Variants in NRXN3 observed in about 807,000 individuals in gnomAD.
NRXN3 encodes neurexin 3.
In NRXN3, 32 loss-of-function variants were observed where a neutral mutation model predicts 137.6. The ratio of observed to expected loss-of-function variants is 0.23; its 90% CI spans 0.18 to 0.31. The LOEUF is 0.31. Among genes scored for constraint, NRXN3 ranks in the 10% least tolerant of loss-of-function variants. The pLI is 1.00. For synonymous variants in NRXN3, 798 were observed against 784.5 expected, an observed-to-expected ratio of 1.02 and a Z score of -0.29; for missense variants, 1,574 against 2,062.5, an observed-to-expected ratio of 0.76 and a Z score of 4.59.
chr14:79,729,245 A>T (rs1199547599), intron 19 of NRXN3, among the ~76,000 whole-genome samples: 1 of 152,230 alleles, frequency 6.6e-6, no homozygotes, highest in Non-Finnish European at 1.5e-5. Context: ...TTAGGGGAAA[A>T]TCAAGAAGTT....
chr14:78,245,803 G>A (rs28641041), intron 2 of NRXN3, among the ~76,000 whole-genome samples: 11,588 of 152,184 alleles, frequency 0.076, 1,259 homozygotes, highest in African/African-American at 0.24. Flanking sequence ...GGCTGTCAGA[G>A]CTGGAGATGC....
chr14:79,384,664 G>A (rs1350637939), intron 15 of NRXN3, among the ~76,000 whole-genome samples: 3 of 152,106 alleles, frequency 2.0e-5, no homozygotes, highest in Non-Finnish European at 2.9e-5. Flanking sequence ...AACTGTGAAG[G>A]TGTTTAGGAC....
At chr14:78,770,737 A>G (rs1248681086) in intron 8 of NRXN3, among the ~76,000 whole-genome samples, 1 of 152,182 alleles carries the variant, frequency 6.6e-6, no homozygotes, top group Non-Finnish European at 1.5e-5. Flanking sequence ...GTAAAAGTAA[A>G]TTGCAAAGAA....
At chr14:79,568,667 G>A (rs2097571238) in intron 16 of NRXN3, among the ~76,000 whole-genome samples, 3 of 152,188 alleles carry the variant, frequency 2.0e-5, no homozygotes, top group Non-Finnish European at 4.4e-5. Context: ...TTTGGTTCCT[G>A]TGAGGACTGC....
At chr14:79,229,409 C>T (rs1028087992) in intron 15 of NRXN3, among the ~76,000 whole-genome samples, 3 of 152,180 alleles carry the variant, frequency 2.0e-5, no homozygotes, top group African/African-American at 7.2e-5. Context: ...CGGGAAACTT[C>T]AGTGTAAAGT....
chr14:79,282,935 C>A (rs1003150407), intron 15 of NRXN3, among the ~76,000 whole-genome samples: 2 of 152,152 alleles, frequency 1.3e-5, no homozygotes, highest in African/African-American at 4.8e-5. Flanking sequence ...CAGCAATCAA[C>A]AAAATATCCC....
At chr14:78,398,524 G>A (rs929001687) in intron 4 of NRXN3, among the ~76,000 whole-genome samples, 5 of 152,116 alleles carry the variant, frequency 3.3e-5, no homozygotes, top group Non-Finnish European at 2.9e-5. Flanking sequence ...ATGAGGGTGG[G>A]GCTTGTTACT....
Position 79,697,709 on chromosome 14 carries a change from A to T in NRXN3, c.3786A>T (p.Gln1262His). ...GKDKGRLFQGQLSGLYYDGLK... is the reference protein window; with the variant it reads ...GKDKGRLFQGHLSGLYYDGLK... Reference sequence around the variant, plus strand: ...ACAAAGGACGCCTCTTCCAAGGCCAACTCTCTGGGCTCTATTATGATGGTT... The same window carrying T: ...ACAAAGGACGCCTCTTCCAAGGCCATCTCTCTGGGCTCTATTATGATGGTT... Residue 1262 changes from glutamine (Q) to histidine (H), a missense_variant, in exon 19 of 21, where the codon CAA becomes CAT. Transcript: ENST00000335750. The T allele has an allele frequency of 6.2e-7, 1 of 1,613,102 alleles. No individual in the cohort carries two copies. The highest frequency in any genetic ancestry group is 8.5e-7 in the Non-Finnish European group (1 of 1,179,412).
chr14:79,127,307 A>G (rs1034183281), intron 15 of NRXN3, among the ~76,000 whole-genome samples: 1 of 152,100 alleles, frequency 6.6e-6, no homozygotes, highest in Non-Finnish European at 1.5e-5. Flanking sequence ...TTATGGTTTT[A>G]GTTCTAACGT....
intron 4 of NRXN3, among the ~76,000 whole-genome samples, chr14:78,461,968 G>T (rs1275095989): frequency 6.6e-6 from 1 of 152,202 alleles, no homozygotes; most frequent in African/African-American, 2.4e-5. Flanking sequence ...AAGGGAACTG[G>T]TTCCCAACTC....
intron 10 of NRXN3, among the ~76,000 whole-genome samples, chr14:78,925,405 C>T (rs1309904643): frequency 2.0e-5 from 3 of 152,160 alleles, no homozygotes; most frequent in African/African-American, 7.2e-5. Flanking sequence ...TAACACTACA[C>T]TTGCCATGGT....
chr14:78,208,181 T>A (rs2062396295), intron 1 of NRXN3, among the ~76,000 whole-genome samples: 1 of 152,230 alleles, frequency 6.6e-6, no homozygotes. Context: ...AAAAAGTGCT[T>A]AGCACATAGT....
intron 15 of NRXN3, among the ~76,000 whole-genome samples, chr14:79,135,469 C>T (rs899933038): frequency 6.6e-6 from 1 of 152,122 alleles, no homozygotes; most frequent in African/African-American, 2.4e-5. Flanking sequence ...GTCCTACTAT[C>T]CCTGTCCTCT....
At chr14:79,136,329 G>T (rs899670101) in intron 15 of NRXN3, among the ~76,000 whole-genome samples, 3 of 152,178 alleles carry the variant, frequency 2.0e-5, no homozygotes, top group African/African-American at 4.8e-5. Flanking sequence ...ATAGATCAAG[G>T]TCTGTCAGCC....
chr14:79,061,527 A>G (rs1346673174), intron 15 of NRXN3, among the ~76,000 whole-genome samples: 1 of 152,210 alleles, frequency 6.6e-6, no homozygotes. Context: ...AGTGACTGGA[A>G]TATAGGGGAC....
chr14:78,257,144 G>A lies in NRXN3; in HGVS notation c.709+13342G>A, dbSNP rs546896814. ...AGGATTACTAACGCTATCATTTTTG[G>A]TATGAAAACCATGGTATGAACATTT... is the stretch of plus-strand genomic sequence containing the variant. On this transcript the variant is annotated intron_variant, in intron 2 of 20. Coordinates refer to ENST00000335750, the MANE Select transcript of NRXN3 (RefSeq NM_001330195.2). Among the ~76,000 whole-genome samples the A allele has an allele frequency of 1.6e-4, 24 of 152,326 alleles. No individual in the cohort carries two copies. In the South Asian group the frequency reaches 5.0e-3, roughly 32 times the overall value.
chr14:78,736,155 G>T (rs1271582290), intron 8 of NRXN3, among the ~76,000 whole-genome samples: 1 of 152,026 alleles, frequency 6.6e-6, no homozygotes, highest in Non-Finnish European at 1.5e-5. Context: ...TATTCTGAAA[G>T]CTGCCAGATG....
At chr14:79,859,202 C>T (rs2099409325) in intron 20 of NRXN3, among the ~76,000 whole-genome samples, 1 of 152,088 alleles carries the variant, frequency 6.6e-6, no homozygotes, top group South Asian at 2.1e-4. Flanking sequence ...GATGACACTG[C>T]AACATTCTGT....
intron 4 of NRXN3, among the ~76,000 whole-genome samples, chr14:78,640,339 T>C (rs1352330600): frequency 6.6e-6 from 1 of 152,216 alleles, no homozygotes; most frequent in Admixed American, 6.5e-5. Flanking sequence ...TCTATCCTTC[T>C]CAGTAAAATT....
Sources: allele counts gnomAD v4.1 joint callset (sites outside exome capture counted in the v4.1 genomes callset), GRCh38; gene constraint gnomAD v4.1.1; transcripts MANE v1.5; gene names NCBI Gene and HGNC (gene_info 2026-07-23, HGNC 2026-07-21).